DNAAF9: variants seen among roughly 807,000 people sequenced by gnomAD.
The protein encoded by DNAAF9 is shulin.
DNAAF9 carries 90 observed loss-of-function variants against 167.0 expected under a neutral mutation model. The observed-to-expected ratio is 0.54, with a 90% CI of 0.45 to 0.64. DNAAF9 has a LOEUF of 0.64. Among genes scored for constraint, DNAAF9 ranks in the 30% least tolerant of loss-of-function variants. The pLI, the probability that DNAAF9 is intolerant of heterozygous loss-of-function variation, is 0.00. For synonymous variants in DNAAF9, 491 were observed against 508.8 expected (o/e 0.96, Z 0.47); for missense variants, 1,315 against 1,442.2 (o/e 0.91, Z 1.43).
intron 31 of DNAAF9, among the ~76,000 whole-genome samples, chr20:3,260,636 CTCTT>C (rs764959503): frequency 3.7e-4 from 57 of 152,100 alleles, no homozygotes; most frequent in South Asian, 1.2e-3. Context: ...CCATTTCTCT[CTCTT>C]TTTTTTTGAG....
At chr20:3,308,418 C>T (rs552656798) in intron 20 of DNAAF9, among the ~76,000 whole-genome samples, 1 of 148,410 alleles carries the variant, frequency 6.7e-6, no homozygotes, top group East Asian at 2.0e-4. Context: ...TCTCTGCTCA[C>T]TGCAATCTCC....
At chr20:3,285,905 G>A (rs1469048708) in intron 27 of DNAAF9, among the ~76,000 whole-genome samples, 6 of 148,902 alleles carry the variant, frequency 4.0e-5, no homozygotes, top group East Asian at 2.0e-4. Flanking sequence ...GCTTGAACTC[G>A]GGAGGTGGAG....
intron 21 of DNAAF9, among the ~76,000 whole-genome samples, chr20:3,301,178 C>CTTTTTTTTTTTTTTTTTTTTTTTT (rs11469332): frequency 8.0e-6 from 1 of 125,152 alleles, no homozygotes; most frequent in Non-Finnish European, 1.7e-5. Flanking sequence ...TCATGCTTGG[C>CTTTTTTTTTTTTTTTTTTTTTTTT]TTTTTTTTTT....
chr20:3,328,187 T>TTTTTTTTTTTTGTTTGTTTTG, intron 12 of DNAAF9, among the ~76,000 whole-genome samples: 1 of 148,238 alleles, frequency 6.7e-6, no homozygotes, highest in African/African-American at 2.5e-5. Flanking sequence ...GGCTCTGTTT[T>TTTTTTTTTTTTGTTTGTTTTG]TTTTTTTTTT....
intron 6 of DNAAF9, among the ~76,000 whole-genome samples, chr20:3,361,711 A>C (rs1464197655): frequency 6.6e-6 from 1 of 152,244 alleles, no homozygotes; most frequent in Non-Finnish European, 1.5e-5. Context: ...TTTCAAATGG[A>C]CAAAAAATTA....
chr20:3,292,081 C>G (rs933874533), intron 25 of DNAAF9, among the ~76,000 whole-genome samples: 21 of 151,972 alleles, frequency 1.4e-4, no homozygotes, highest in Admixed American at 3.9e-4. Flanking sequence ...TTACTACAAC[C>G]TCCGCCTCCC....
At chr20:3,310,333 A>AAAAGAAAAAG (rs1555790611) in intron 20 of DNAAF9, among the ~76,000 whole-genome samples, 1 of 106,098 alleles carries the variant, frequency 9.4e-6, no homozygotes, top group Non-Finnish European at 1.9e-5. Flanking sequence ...AAGAGAAAGA[A>AAAAGAAAAAG]AAAGAAAGAA....
At chr20:3,351,141 C>G (rs2070314648) in intron 7 of DNAAF9, among the ~76,000 whole-genome samples, 1 of 152,144 alleles carries the variant, frequency 6.6e-6, no homozygotes, top group African/African-American at 2.4e-5. Context: ...TACCAATGAT[C>G]AGGATAAACA....
rs114999492 is a variant in DNAAF9 at position 3,407,327 on chromosome 20, C to T, written c.83+148G>A. On this transcript the variant is annotated intron_variant, in intron 1 of 36. Coordinates refer to ENST00000252032, the MANE Select transcript of DNAAF9 (RefSeq NM_001009984.3). ...GGGGCCTCTACAGAGGGCGCCGTTC[C>T]TGGGAAAAATTCCTCCCTGAGCCGT... 4.4e-4 allele frequency: 280 copies of T among 636,700 alleles called. No individual in the cohort carries two copies. The African/African-American group carries it at 4.8e-3, about 11-fold the overall frequency. The allele number at this position is 636,700 out of a possible 1,614,324, so 39.4% of individuals were successfully genotyped here. A position where few individuals can be genotyped will look rare whatever the true frequency, so the allele number is the denominator to read the frequency against.
chr20:3,335,079 G>A (rs1384912778), intron 10 of DNAAF9, among the ~76,000 whole-genome samples: 1 of 152,134 alleles, frequency 6.6e-6, no homozygotes, highest in Non-Finnish European at 1.5e-5. Flanking sequence ...TCTATAATGT[G>A]GATATACACT....
intron 13 of DNAAF9, among the ~76,000 whole-genome samples, chr20:3,325,592 T>A (rs938210869): frequency 3.9e-5 from 6 of 152,186 alleles, no homozygotes; most frequent in African/African-American, 1.4e-4. Context: ...ACCTTTCCAA[T>A]GTCAAATGGC....
Position 3,249,973 on chromosome 20 carries a change from C to G in DNAAF9, c.*2599G>C, listed in dbSNP as rs961890551. 4 of 152,160 alleles carry G rather than the reference C, an allele frequency of 2.6e-5. No individual in the cohort carries two copies. The highest frequency in any genetic ancestry group is 5.9e-5 in the Non-Finnish European group (4 of 68,028). 9.4% of individuals were successfully genotyped at this position (152,160 alleles called of 1,614,324 possible). ...CCAATTTCTGTCTCCTTCTTCCAAT[C>G]AAAAACAGAAAAATCCCATGTAAAA... On this transcript the variant is annotated 3_prime_UTR_variant, in exon 37 of 37. Transcript: ENST00000252032.
rs1050819938 is a variant in DNAAF9 at position 3,304,967 on chromosome 20, G to A, written c.1679-424C>T. Among the ~76,000 whole-genome samples, 5 of 152,238 alleles carry A rather than the reference G, an allele frequency of 3.3e-5. No individual in the cohort carries two copies. In the South Asian group the frequency reaches 8.3e-4, roughly 25 times the overall value. Reference sequence around the variant, plus strand: ...TCCCTCACTTAGGGCCCGAGAAGGAGCACTTGGGTCTCAGCTGAAGACTGG... The same window carrying A: ...TCCCTCACTTAGGGCCCGAGAAGGAACACTTGGGTCTCAGCTGAAGACTGG... On this transcript the variant is annotated intron_variant, in intron 20 of 36. Coordinates refer to ENST00000252032, the MANE Select transcript of DNAAF9 (RefSeq NM_001009984.3).
chr20:3,344,580 TACAC>T (rs1217090787), intron 8 of DNAAF9, among the ~76,000 whole-genome samples: 6 of 98,284 alleles, frequency 6.1e-5, no homozygotes, highest in Admixed American at 1.1e-4. Context: ...ATGGAAAAAA[TACAC>T]ACACATACAC....
At chr20:3,319,089 A>G (rs1181648429) in intron 16 of DNAAF9, among the ~76,000 whole-genome samples, 2 of 122,808 alleles carry the variant, frequency 1.6e-5, no homozygotes, top group African/African-American at 5.3e-5. Context: ...TCTCAAAAAA[A>G]AAAAAAAAAA....
chr20:3,292,389 T>A (rs578252146), intron 25 of DNAAF9, among the ~76,000 whole-genome samples: 5 of 152,362 alleles, frequency 3.3e-5, no homozygotes, highest in East Asian at 3.9e-4. Flanking sequence ...ACGTTTCTCA[T>A]TGCTTAGTGC....
intron 1 of DNAAF9, chr20:3,384,259 G>A (rs1208270429): frequency 6.6e-6 from 1 of 152,172 alleles, no homozygotes; most frequent in Non-Finnish European, 1.5e-5. Flanking sequence ...CATTTCTGTA[G>A]TTCATTATTA....
intron 21 of DNAAF9, among the ~76,000 whole-genome samples, chr20:3,299,740 C>G (rs576166407): frequency 6.6e-6 from 1 of 152,320 alleles, no homozygotes; most frequent in African/African-American, 2.4e-5. Flanking sequence ...GTCCATATGC[C>G]TGACCTTTTG....
intron 3 of DNAAF9, 47 bp downstream of exon 3, chr20:3,381,332 A>C: frequency 6.9e-7 from 1 of 1,445,014 alleles, no homozygotes; most frequent in Non-Finnish European, 9.4e-7. Context: ...CCAAATAAAT[A>C]AACCTCTTAC....
Sources: allele counts gnomAD v4.1 joint callset (sites outside exome capture counted in the v4.1 genomes callset), GRCh38; gene constraint gnomAD v4.1.1; transcripts MANE v1.5; gene names NCBI Gene and HGNC (gene_info 2026-07-23, HGNC 2026-07-21).